Variants in SLC22A25 observed in about 807,000 individuals in gnomAD.
SLC22A25 encodes MGI:2442751, MGI:2385316, MGI:3042283, MGI:3645714, MGI:3605624, MGI:2442750.
Under a neutral mutation model 45.9 loss-of-function variants are expected in SLC22A25, and 44 were observed. The observed-to-expected ratio is 0.96, with a 90% CI of 0.75 to 1.23. SLC22A25 has a LOEUF of 1.23. Among genes scored for constraint, SLC22A25 ranks in the 50% most tolerant of loss-of-function variants. SLC22A25 has a pLI of 0.00. For synonymous variants in SLC22A25, 283 were observed against 238.6 expected (o/e 1.19, Z -1.72); for missense variants, 800 against 666.4 (o/e 1.20, Z -2.21).
chr11:63,231,437 C>T (rs982534710), intron 3 of SLC22A25, among the ~76,000 whole-genome samples: 8 of 152,228 alleles, frequency 5.3e-5, no homozygotes, highest in African/African-American at 9.6e-5. Flanking sequence ...CTTTTGACTG[C>T]ATAAATGTCT....
Position 63,163,938 on chromosome 11 carries a change from A to C in SLC22A25, c.1530T>G (p.Leu510=), listed in dbSNP as rs773317932. ...TGGTTTCAGGAAGGAGGAGGACAAC[A>C]AGGCCAGAGAGGATGGCAAAGACTC... ...IYGVFAILSG[L]VVLLLPETRN... The change falls in exon 12 of 12, where the codon CTT becomes CTG. Residue 510 remains leucine (L), a synonymous_variant. Coordinates refer to ENST00000306494, the MANE Select transcript of SLC22A25 (RefSeq NM_199352.6). 5.0e-6 allele frequency: 8 copies of C among 1,613,930 alleles called. No homozygotes were observed. Among genetic ancestry groups the C allele is most frequent in the Non-Finnish European group, 2.5e-6 (3 of 1,179,898 alleles).
At position 63,235,497 on chromosome 11, in the gene SLC22A25, A is replaced by T. The variant is rs368226451; in HGVS notation, c.-445+2384T>A. ...TTGTGCCATTGTTTTCGGCTTCATC[A>T]GGTCCTTTAAGGACTTCTCTGCATT... is the stretch of plus-strand genomic sequence containing the variant. On this transcript the variant is annotated intron_variant, in intron 3 of 11. Coordinates refer to ENST00000306494, the MANE Select transcript of SLC22A25 (RefSeq NM_199352.6). Among the ~76,000 whole-genome samples the T allele has an allele frequency of 5.9e-5, 9 of 152,168 alleles. 1 individual carries two copies. In the East Asian group the frequency reaches 7.7e-4, roughly 13 times the overall value.
At chr11:63,168,647 C>T (rs2087768166) in intron 9 of SLC22A25, among the ~76,000 whole-genome samples, 1 of 152,026 alleles carries the variant, frequency 6.6e-6, no homozygotes, top group South Asian at 2.1e-4. Context: ...AACCAAGCCT[C>T]CAAGAAATAT....
chr11:63,180,787 A>G lies in SLC22A25; in HGVS notation c.955-12T>C, dbSNP rs2088291620. 6.3e-7 allele frequency: 1 copy of G among 1,596,774 alleles called. No homozygotes were observed. Among genetic ancestry groups the G allele is most frequent in the Middle Eastern group, 1.7e-4 (1 of 6,012 alleles). On this transcript the variant is annotated splice_polypyrimidine_tract_variant and intron_variant, in intron 8 of 11. Coordinates refer to ENST00000306494, the MANE Select transcript of SLC22A25 (RefSeq NM_199352.6). ...GTGGATTTCAAAACCTTCAACAACAACAGAAGCAATAAACTGTTCAGTTGT... is the reference window on the plus strand; with the variant it reads ...GTGGATTTCAAAACCTTCAACAACAGCAGAAGCAATAAACTGTTCAGTTGT...
At chr11:63,241,233 T>C (rs2090242825) in intron 1 of SLC22A25, among the ~76,000 whole-genome samples, 1 of 152,308 alleles carries the variant, frequency 6.6e-6, no homozygotes, top group Middle Eastern at 3.4e-3. Flanking sequence ...CCTGAAGCCA[T>C]TCCATGGGGA....
At position 63,162,946 on chromosome 11, in the gene SLC22A25, C is replaced by A. The variant is rs73499723; in HGVS notation, c.*878G>T. Among the ~76,000 whole-genome samples the A allele has an allele frequency of 0.013, 1,960 of 152,246 alleles. 48 individuals carry two copies. The highest frequency in any genetic ancestry group is 0.045 in the African/African-American group (1,860 of 41,526). The stretch of plus-strand genomic sequence containing the variant: ...TTGCTGCAGGTATCTTCCTGCCCTG[C>A]TTTTCTGGAGCATCTTCTCCTGGTG... On this transcript the variant is annotated 3_prime_UTR_variant, in exon 12 of 12. Transcript: ENST00000306494.
intron 4 of SLC22A25, 151 bp downstream of exon 4, chr11:63,229,100 A>T: frequency 1.4e-6 from 1 of 715,770 alleles, no homozygotes; most frequent in South Asian, 3.9e-5. Context: ...ATGTGCAGGT[A>T]TCTGGCATTC....
intron 7 of SLC22A25, among the ~76,000 whole-genome samples, chr11:63,198,743 C>T (rs1020453122): frequency 6.6e-6 from 1 of 151,758 alleles, no homozygotes; most frequent in Non-Finnish European, 1.5e-5. Context: ...GAAATCAAGA[C>T]AAGAAATTTA....
At chr11:63,237,721 C>T (rs909990611) in intron 3 of SLC22A25, among the ~76,000 whole-genome samples, 160 bp downstream of exon 3, 4 of 152,270 alleles carry the variant, frequency 2.6e-5, no homozygotes, top group Admixed American at 2.6e-4. Context: ...GTGTCTTGTA[C>T]ACAACACTCA....
At chr11:63,184,552 C>T (rs2088451086) in intron 7 of SLC22A25, among the ~76,000 whole-genome samples, 1 of 152,124 alleles carries the variant, frequency 6.6e-6, no homozygotes, top group African/African-American at 2.4e-5. Context: ...AGAGAGAGCA[C>T]AGGACAAGAT....
intron 9 of SLC22A25, among the ~76,000 whole-genome samples, chr11:63,173,729 T>C (rs1480161020): frequency 6.6e-6 from 1 of 152,092 alleles, no homozygotes; most frequent in Non-Finnish European, 1.5e-5. Context: ...GCCATGTACA[T>C]TTCTCTCTCT....
rs902277969 is a variant in SLC22A25 at position 63,160,502 on chromosome 11, T to C, written c.*3322A>G. Among the ~76,000 whole-genome samples, 13 of 152,120 alleles carry C rather than the reference T, an allele frequency of 8.5e-5. 1 individual carries two copies. Among genetic ancestry groups the C allele is most frequent in the Non-Finnish European group, 1.6e-4 (11 of 68,022 alleles). On this transcript the variant is annotated 3_prime_UTR_variant, in exon 12 of 12. Coordinates refer to ENST00000306494, the MANE Select transcript of SLC22A25 (RefSeq NM_199352.6). ...GTATGGAAATGCCTGGATGCCCAGG[T>C]AGAAGTTTGCTGCAGGGGTGGGGTC... is the stretch of plus-strand genomic sequence containing the variant.
chr11:63,228,410 A>G (rs2090004051), intron 5 of SLC22A25, 51 bp downstream of exon 5: 2 of 1,353,036 alleles, frequency 1.5e-6, no homozygotes, highest in African/African-American at 1.5e-5. Flanking sequence ...AAAGTGTTTC[A>G]TGAATTGATG....
chr11:63,207,359 C>T (rs1480007803), intron 7 of SLC22A25, among the ~76,000 whole-genome samples: 1 of 152,102 alleles, frequency 6.6e-6, no homozygotes, highest in Non-Finnish European at 1.5e-5. Flanking sequence ...AAAATTTTTG[C>T]AATCTATTCA....
At chr11:63,186,837 C>T (rs1357661496) in intron 7 of SLC22A25, among the ~76,000 whole-genome samples, 3 of 152,020 alleles carry the variant, frequency 2.0e-5, no homozygotes, top group Non-Finnish European at 4.4e-5. Context: ...TCAGGTTTGT[C>T]AAAGATCAGA....
In SLC22A25 at chr11:63,163,108, G is replaced by A. The variant is rs1316943631; in HGVS notation, c.*716C>T. 6.6e-6 allele frequency among the ~76,000 whole-genome samples: 1 copy of A among 152,196 alleles called. No homozygotes were observed. Among genetic ancestry groups the A allele is most frequent in the Non-Finnish European group, 1.5e-5 (1 of 68,040 alleles). On this transcript the variant is annotated 3_prime_UTR_variant, in exon 12 of 12. Coordinates refer to ENST00000306494, the MANE Select transcript of SLC22A25 (RefSeq NM_199352.6). Reference sequence around the variant, plus strand: ...AAAAAACATGCCTCTGCCCGCAAGTGTTTGTGTAAACCTTGTGAAGTAAAA... The same window carrying A: ...AAAAAACATGCCTCTGCCCGCAAGTATTTGTGTAAACCTTGTGAAGTAAAA...
At chr11:63,239,804 T>C (rs570720754) in intron 1 of SLC22A25, among the ~76,000 whole-genome samples, 1 of 152,320 alleles carries the variant, frequency 6.6e-6, no homozygotes, top group Admixed American at 6.5e-5. Context: ...TTATTCACAC[T>C]GCATTTGTGA....
chr11:63,217,438 A>G lies in SLC22A25; in HGVS notation c.706T>C (p.Leu236=), dbSNP rs765506371. 7.4e-6 allele frequency: 12 copies of G among 1,614,106 alleles called. No homozygotes were observed. The highest frequency in any genetic ancestry group is 5.3e-5 in the African/African-American group (4 of 75,074). ...CCAATACTAGCAGCACAAAGTGTCA[A>G]TGTCAATGCCATGGCACAGAATTGG... ...THQFCAMALT[L]TLCAASIGHI... Residue 236 remains leucine, a synonymous_variant, in exon 7 of 12, where the codon TTG becomes CTG. Transcript: ENST00000306494.
chr11:63,200,521 G>A (rs4344494), intron 7 of SLC22A25, among the ~76,000 whole-genome samples: 74,254 of 151,490 alleles, frequency 0.49, 19,124 homozygotes, highest in Non-Finnish European at 0.57. Context: ...AATAGTAAGT[G>A]CCATCTATGA....
Sources: gnomAD v4.1 joint callset for allele counts (sites outside exome capture counted in the v4.1 genomes callset) on GRCh38, gnomAD v4.1.1 for gene constraint, MANE v1.5 for transcripts, NCBI Gene and HGNC (gene_info 2026-07-23, HGNC 2026-07-21) for gene names.